Variants in GOLGA6L2 observed in about 807,000 individuals in gnomAD.
GOLGA6L2 encodes golgin subfamily A member 6-like protein 2.
Under a neutral mutation model 35.9 loss-of-function variants are expected in GOLGA6L2, and 30 were observed. The ratio of observed to expected loss-of-function variants is 0.83; its 90% CI spans 0.62 to 1.13. GOLGA6L2 has a LOEUF of 1.13. GOLGA6L2 is among the 50% of genes most tolerant of loss of function. The pLI is 0.00. For missense variants in GOLGA6L2, 821 were observed against 973.4 expected, an observed-to-expected ratio of 0.84 and a Z score of 2.08; for synonymous variants, 297 against 344.0, an observed-to-expected ratio of 0.86 and a Z score of 1.51.
intron 5 of GOLGA6L2, 50 bp from the exon 6 acceptor site, chr15:23,442,558 T>G: frequency 6.5e-7 from 1 of 1,540,776 alleles, no homozygotes; most frequent in Non-Finnish European, 8.7e-7. Context: ...GAAGAGCAGC[T>G]GGCCGACCAG....
intron 7 of GOLGA6L2, 120 bp downstream of exon 7, chr15:23,441,859 C>T: frequency 7.1e-7 from 1 of 1,401,114 alleles, no homozygotes; most frequent in East Asian, 2.5e-5. Flanking sequence ...ATGGTGGGAC[C>T]AGAACAAGGA....
Position 23,440,987 on chromosome 15 carries a change from C to A in GOLGA6L2, c.1488G>T (p.Gln496His). The A allele has an allele frequency of 6.5e-7, 1 of 1,532,834 alleles. No homozygotes were observed. The highest frequency in any genetic ancestry group is 8.8e-7 in the Non-Finnish European group (1 of 1,139,268). 95.0% of individuals were successfully genotyped at this position (1,532,834 alleles called of 1,614,324 possible). The change falls in exon 8 of 8, where the codon CAG (glutamine) becomes CAT (histidine). Residue 496 changes from glutamine (Q) to histidine (H), a missense_variant. Around this residue, in one of 7 missense-constraint regions of GOLGA6L2, gnomAD observed 614 missense variants for 632.3 expected, o/e 0.97. Transcript: ENST00000567107. ...TCTCCTGTTCCCACAGCTTCTCCTT[C>A]TGTTCCGGCAGCCTCTGCTGCTGCC... ...KEWQQQRLPE[Q>H]KEKLWEQEKM... is the part of the protein sequence containing the mutation.
chr15:23,445,487 A>G, intron 1 of GOLGA6L2, 49 bp from the exon 2 acceptor site: 6 of 650,860 alleles, frequency 9.2e-6, no homozygotes, highest in Non-Finnish European at 1.1e-5. Context: ...AAGCTCCTAC[A>G]GTCACTTTAC....
intron 2 of GOLGA6L2, 119 bp from the exon 3 acceptor site, chr15:23,444,619 A>T: frequency 1.2e-6 from 1 of 827,910 alleles, no homozygotes; most frequent in South Asian, 1.4e-5. Flanking sequence ...CTCAGACCCA[A>T]TGGGAACATG....
Position 23,439,600 on chromosome 15 carries a change from G to A in GOLGA6L2, c.*145C>T, listed in dbSNP as rs1247387759. ...CTCCTCGGTAGAAGAATGGGATGCA[G>A]GAGGTACTGCCTAATCCTGGGCACT... On this transcript the variant is annotated 3_prime_UTR_variant, in exon 8 of 8. Coordinates refer to ENST00000567107, the MANE Select transcript of GOLGA6L2 (RefSeq NM_001304388.2). 2.0e-6 allele frequency: 3 copies of A among 1,535,908 alleles called. No homozygotes were observed. In the African/African-American group the frequency reaches 4.1e-5, roughly 21 times the overall value.
At chr15:23,444,673 G>A (rs1056961967) in intron 2 of GOLGA6L2, among the ~76,000 whole-genome samples, 173 bp from the exon 3 acceptor site, 1 of 152,092 alleles carries the variant, frequency 6.6e-6, no homozygotes, top group Non-Finnish European at 1.5e-5. Flanking sequence ...TTGGGTCTTT[G>A]TTGGTTTTTG....
intron 3 of GOLGA6L2, 65 bp downstream of exon 3, chr15:23,444,405 CG>C: frequency 6.5e-7 from 1 of 1,535,786 alleles, no homozygotes. Context: ...CGAGATGAGA[CG>C]GGCCTCTACA....
At position 23,444,219 on chromosome 15, in the gene GOLGA6L2, A is replaced by C; in HGVS notation, c.244-7T>G. On this transcript the variant is annotated splice_polypyrimidine_tract_variant and splice_region_variant and intron_variant, in intron 3 of 7. Coordinates refer to ENST00000567107, the MANE Select transcript of GOLGA6L2 (RefSeq NM_001304388.2). ...GGTGGCTTGCCTTCTTTTCCTATAG[A>C]AAGAGGAAGACAGAGCTCTTACTAG... 6.2e-7 allele frequency: 1 copy of C among 1,603,848 alleles called. No individual in the cohort carries two copies.
In GOLGA6L2 at chr15:23,439,781, G is replaced by A; in HGVS notation, c.2694C>T (p.Leu898=). The change falls in exon 8 of 8, where the codon CTC becomes CTT. Residue 898 remains leucine (L), a synonymous_variant. Transcript: ENST00000567107. ...GEAARARGAV[L]RALPPSLQSS... ...TTTGGAGGGAGGGAGGCAGGGCTCT[G>A]AGCACCGCTCCTCGTGCTCTGGCAG... 1 of 1,534,802 alleles carries A rather than the reference G, an allele frequency of 6.5e-7. No homozygotes were observed. Among genetic ancestry groups the A allele is most frequent in the Non-Finnish European group, 8.7e-7 (1 of 1,146,464 alleles).
At chr15:23,444,721 T>C (rs1886740916) in intron 2 of GOLGA6L2, among the ~76,000 whole-genome samples, 5 of 152,182 alleles carry the variant, frequency 3.3e-5, no homozygotes, top group Admixed American at 3.3e-4. Context: ...AACTAGATTA[T>C]CTCAAAAAGA....
rs1032341831 is a variant in GOLGA6L2, at chr15:23,439,684, C to T, written c.*61G>A. 18 of 1,537,302 alleles carry T rather than the reference C, an allele frequency of 1.2e-5. No homozygotes were observed. In the African/African-American group the frequency reaches 2.3e-4, roughly 20 times the overall value. On this transcript the variant is annotated 3_prime_UTR_variant, in exon 8 of 8. Coordinates refer to ENST00000567107, the MANE Select transcript of GOLGA6L2 (RefSeq NM_001304388.2). ...TGATCTCCTGTGCAGTGGGGTTGTC[C>T]TGCGGAGAACCCTCCCCAGCCTCTC...
Position 23,441,470 on chromosome 15 carries a change from C to G in GOLGA6L2, c.1005G>C (p.Lys335Asn). Residue 335 changes from lysine to asparagine, a missense_variant, in exon 8 of 8, where the codon AAG (lysine) becomes AAC (asparagine). This residue lies in a region of GOLGA6L2 where 614 missense variants were observed against 632.3 expected (regional missense o/e 0.97). Coordinates refer to ENST00000567107, the MANE Select transcript of GOLGA6L2 (RefSeq NM_001304388.2). Reference protein sequence around the residue: ...EQEKELREQEKELREQKKLRE... With the variant: ...EQEKELREQENELREQKKLRE... ...GCAGCTTCTTCTGCTCCCGCAGCTC[C>G]TTCTCCTGCTCCCGCAGCTCCTTCT... The G allele has an allele frequency of 7.1e-7, 1 of 1,413,828 alleles. No individual in the cohort carries two copies. Among genetic ancestry groups the G allele is most frequent in the South Asian group, 1.3e-5 (1 of 76,166 alleles). The allele number at this position is 1,413,828 out of a possible 1,614,324, so 87.6% of individuals were successfully genotyped here. A position where few individuals can be genotyped will look rare whatever the true frequency, so the allele number is the denominator to read the frequency against.
At chr15:23,442,552 A>G (rs1328908752) in intron 5 of GOLGA6L2, 44 bp from the exon 6 acceptor site, 3 of 1,556,548 alleles carry the variant, frequency 1.9e-6, no homozygotes, top group Non-Finnish European at 2.6e-6. Flanking sequence ...CAGGCAGAAG[A>G]GCAGCTGGCC....
Position 23,442,561 on chromosome 15 carries a change from C to A in GOLGA6L2, c.592-53G>T, listed in dbSNP as rs73423916. ...ACAGAGCAGGCAGAAGAGCAGCTGG[C>A]CGACCAGGAACAACAGCTACACTGA... is the stretch of plus-strand genomic sequence containing the variant. On this transcript the variant is annotated intron_variant, in intron 5 of 7. Transcript: ENST00000567107. 22,037 of 1,530,330 alleles carry A rather than the reference C, an allele frequency of 0.014. 2,538 individuals are homozygous for A. The African/African-American group carries it at 0.25, about 18-fold the overall frequency. The allele number at this position is 1,530,330 out of a possible 1,614,324, so 94.8% of individuals were successfully genotyped here.
chr15:23,442,897 C>CGT (rs2070713048), intron 5 of GOLGA6L2, among the ~76,000 whole-genome samples: 1 of 151,716 alleles, frequency 6.6e-6, no homozygotes, highest in Admixed American at 6.6e-5. Context: ...GGGAAAGAGA[C>CGT]TGAATTGATA....
Position 23,441,159 on chromosome 15 carries a change from GTCTTCTTCTCCTGCTCCTGCA to G in GOLGA6L2, c.1295_1315del (p.Met432_Lys438del). The G allele has an allele frequency of 1.3e-6, 2 of 1,496,886 alleles. No individual in the cohort carries two copies. The highest frequency in any genetic ancestry group is 1.8e-6 in the Non-Finnish European group (2 of 1,131,664). The allele number at this position is 1,496,886 out of a possible 1,614,324, so 92.7% of individuals were successfully genotyped here. A position where few individuals can be genotyped will look rare whatever the true frequency, so the allele number is the denominator to read the frequency against. The stretch of plus-strand genomic sequence containing the variant: ...TTGCATCTTCTCCTCCTGGTCCCGC[GTCTTCTTCTCCTGCTCCTGCA>G]TCTTCTTCTCCTCCCGCATCTTCTC... On this transcript the variant is annotated inframe_deletion, in exon 8 of 8. Transcript: ENST00000567107.
rs1045219710 is a variant in GOLGA6L2 at position 23,440,665 on chromosome 15, C to T, written c.1810G>A (p.Gly604Arg). Residue 604 changes from glycine to arginine, a missense_variant, in exon 8 of 8, where the codon GGA (glycine) becomes AGA (arginine). Coordinates refer to ENST00000567107, the MANE Select transcript of GOLGA6L2 (RefSeq NM_001304388.2). ...AGAEEDVAAG[G>R]EDAGGEEDAG... is the part of the protein sequence containing the mutation. ...TCTTCTTCTCCTCCCGCATCTTCTC[C>T]TCCTGCTGCCACATCTTCTTCTGCT... 6.2e-6 allele frequency: 9 copies of T among 1,454,538 alleles called. No homozygotes were observed. The highest frequency in any genetic ancestry group is 2.1e-5 in the Admixed American group (1 of 48,076). 90.1% of individuals were successfully genotyped at this position (1,454,538 alleles called of 1,614,324 possible).
rs113727081 is a variant in GOLGA6L2, at chr15:23,441,382, G to A, written c.1093C>T (p.Arg365Trp). The A allele has an allele frequency of 4.6e-6, 7 of 1,532,742 alleles. No homozygotes were observed. In the South Asian group the frequency reaches 6.0e-5, roughly 13 times the overall value. The allele number at this position is 1,532,742 out of a possible 1,614,324, so 94.9% of individuals were successfully genotyped here. A position where few individuals can be genotyped will look rare whatever the true frequency, so the allele number is the denominator to read the frequency against. Residue 365 changes from arginine (R) to tryptophan (W), a missense_variant, in exon 8 of 8, where the codon CGG becomes TGG. Coordinates refer to ENST00000567107, the MANE Select transcript of GOLGA6L2 (RefSeq NM_001304388.2). ...EKMWEQEEKM[R>W]EQEEKMWRQE... ...CTCCACATCTTCTCTTCCTGCTCCC[G>A]CATCTTCTCCTCCTGCTCCCACATC...
At position 23,441,409 on chromosome 15, in the gene GOLGA6L2, T is replaced by C. The variant is rs878909680; in HGVS notation, c.1066A>G (p.Lys356Glu). ...ATCTTCTCCTCCTGCTCCCACATCT[T>C]CTCCTCCTGCTCCTGCATCTGCTCC... ...QEEQMQEQEE[K>E]MWEQEEKMRE... The change falls in exon 8 of 8, where the codon AAG becomes GAG. Residue 356 changes from lysine (K) to glutamate (E), a missense_variant. Physicochemically the swap from Lys to Glu is moderately conservative, Grantham distance 56. This residue lies in a region of GOLGA6L2 where 614 missense variants were observed against 632.3 expected (regional missense o/e 0.97). Transcript: ENST00000567107. 5.9e-6 allele frequency: 9 copies of C among 1,533,074 alleles called. No individual in the cohort carries two copies. Among genetic ancestry groups the C allele is most frequent in the Non-Finnish European group, 7.9e-6 (9 of 1,140,836 alleles). The allele number at this position is 1,533,074 out of a possible 1,614,324, so 95.0% of individuals were successfully genotyped here.
Sources: allele counts gnomAD v4.1 joint callset (sites outside exome capture counted in the v4.1 genomes callset), GRCh38; gene constraint gnomAD v4.1.1; regional missense constraint gnomAD v4.1.1; transcripts MANE v1.5; gene names NCBI Gene and HGNC (gene_info 2026-07-23, HGNC 2026-07-21).